ALMS1: variants seen among roughly 807,000 people sequenced by gnomAD.
ALMS1 encodes ALMS1 centrosome and basal body associated protein, also known as centrosome-associated protein ALMS1.
A neutral mutation model predicts 352.2 loss-of-function variants in ALMS1; 271 were observed. The observed-to-expected ratio is 0.77, with a 90% CI of 0.70 to 0.85. ALMS1 has a LOEUF of 0.85. Ranked by LOEUF, ALMS1 falls within the 40% of genes least tolerant of loss-of-function variation. The pLI, the probability that ALMS1 is intolerant of heterozygous loss-of-function variation, is 0.00. For synonymous variants in ALMS1, 1,865 were observed against 1,761.2 expected (o/e 1.06, Z -1.48); for missense variants, 5,445 against 4,870.7 (o/e 1.12, Z -3.51).
chr2:73,572,558 G>A lies in ALMS1; in HGVS notation c.10681G>A (p.Asp3561Asn). Residue 3561 changes from aspartate (D) to asparagine (N), a missense_variant, in exon 16 of 23, where the codon GAT (aspartate) becomes AAT (asparagine). By Grantham distance (23) the Asp-to-Asn change is conservative. Coordinates refer to ENST00000613296, the MANE Select transcript of ALMS1 (RefSeq NM_001378454.1). ...NVNLGNKEVMDTTKSQVRDYP... is the reference protein window; with the variant it reads ...NVNLGNKEVMNTTKSQVRDYP... ...GAATTTGGGAAACAAAGAAGTGATG[G>A]ATACTACTAAAAGTCAAGTTAGAGA... 6.2e-7 allele frequency: 1 copy of A among 1,613,790 alleles called. No individual in the cohort carries two copies. The highest frequency in any genetic ancestry group is 8.5e-7 in the Non-Finnish European group (1 of 1,179,968).
intron 15 of ALMS1, among the ~76,000 whole-genome samples, chr2:73,572,035 G>A (rs1192017924): frequency 1.3e-5 from 2 of 152,194 alleles, no homozygotes; most frequent in African/African-American, 4.8e-5. Flanking sequence ...TAGCCGGTCA[G>A]TGGCAGAGCC....
chr2:73,480,645 C>G (rs913140869), intron 9 of ALMS1, among the ~76,000 whole-genome samples: 21 of 151,328 alleles, frequency 1.4e-4, no homozygotes, highest in Non-Finnish European at 2.7e-4. Flanking sequence ...CCTGAGGAAT[C>G]GCCACATTGA....
chr2:73,606,397 G>A (rs1299460737), intron 21 of ALMS1, among the ~76,000 whole-genome samples: 1 of 152,126 alleles, frequency 6.6e-6, no homozygotes, highest in East Asian at 1.9e-4. Flanking sequence ...AATCATACAG[G>A]GTTTGTTGTG....
At chr2:73,466,841 T>C (rs1047475169) in intron 9 of ALMS1, among the ~76,000 whole-genome samples, 2 of 152,130 alleles carry the variant, frequency 1.3e-5, no homozygotes, top group Non-Finnish European at 2.9e-5. Flanking sequence ...ACTTAAAATA[T>C]ATGACAACAA....
chr2:73,474,338 A>G (rs1432586669), intron 9 of ALMS1, among the ~76,000 whole-genome samples: 1 of 149,358 alleles, frequency 6.7e-6, no homozygotes, highest in Non-Finnish European at 1.5e-5. Flanking sequence ...TATTTGTAGA[A>G]AGTAGATTTT....
chr2:73,475,930 ATT>A (rs1672574776), intron 9 of ALMS1, among the ~76,000 whole-genome samples: 1 of 150,438 alleles, frequency 6.6e-6, no homozygotes, highest in African/African-American at 2.5e-5. Flanking sequence ...CATCTTAACC[ATT>A]GTTAAGTATA....
intron 7 of ALMS1, among the ~76,000 whole-genome samples, chr2:73,434,220 TTTC>T (rs563528239): frequency 1.6e-4 from 25 of 152,266 alleles, no homozygotes; most frequent in East Asian, 1.5e-3. Context: ...ATTTAAGCTC[TTTC>T]TTCTTCTTAT....
chr2:73,486,478 G>T (rs1672849578), intron 9 of ALMS1, among the ~76,000 whole-genome samples: 1 of 152,158 alleles, frequency 6.6e-6, no homozygotes, highest in Admixed American at 6.5e-5. Flanking sequence ...TCTCTCTTTT[G>T]CTAGGCTTCA....
intron 12 of ALMS1, among the ~76,000 whole-genome samples, chr2:73,543,257 C>A (rs1266865307): frequency 6.7e-6 from 1 of 148,770 alleles, no homozygotes; most frequent in East Asian, 1.9e-4. Context: ...GAAAAACAAG[C>A]AATGGGGAAA....
At chr2:73,391,450 C>T (rs577705847) in intron 1 of ALMS1, among the ~76,000 whole-genome samples, 12 of 152,014 alleles carry the variant, frequency 7.9e-5, no homozygotes, top group East Asian at 1.9e-4. Flanking sequence ...CCCGCCACCA[C>T]GCCCGGCTAT....
intron 11 of ALMS1, among the ~76,000 whole-genome samples, chr2:73,520,416 A>G (rs1673652448): frequency 6.6e-6 from 1 of 152,226 alleles, no homozygotes; most frequent in Non-Finnish European, 1.5e-5. Context: ...TATATACTAA[A>G]TACTATAACA....
At position 73,609,744 on chromosome 2, in the gene ALMS1, A is replaced by G. The variant is rs1675899058; in HGVS notation, c.*132A>G. The G allele has an allele frequency of 2.2e-6, 2 of 924,266 alleles. No homozygotes were observed. The highest frequency in any genetic ancestry group is 1.4e-5 in the South Asian group (1 of 71,276). 57.3% of individuals were successfully genotyped at this position (924,266 alleles called of 1,614,324 possible). ...GTGTATTTTAGAAATAGTAACTTCT[A>G]AAGAGTCTGGAACAAAGTGGTGATT... On this transcript the variant is annotated 3_prime_UTR_variant, in exon 23 of 23. Coordinates refer to ENST00000613296, the MANE Select transcript of ALMS1 (RefSeq NM_001378454.1).
chr2:73,526,771 T>A (rs1337554048), intron 11 of ALMS1, among the ~76,000 whole-genome samples: 1 of 152,176 alleles, frequency 6.6e-6, no homozygotes. Context: ...ATCTTTCTCT[T>A]GTCTGATTGC....
intron 12 of ALMS1, among the ~76,000 whole-genome samples, chr2:73,546,238 G>A (rs1183727633): frequency 6.6e-6 from 1 of 152,108 alleles, no homozygotes; most frequent in African/African-American, 2.4e-5. Context: ...ACTGTATATG[G>A]TATGATCCCT....
intron 16 of ALMS1, chr2:73,573,683 T>G: frequency 3.3e-6 from 2 of 611,690 alleles, no homozygotes; most frequent in Non-Finnish European, 5.8e-6. Context: ...AGTTTACCCC[T>G]GAAATGGGGG....
chr2:73,541,796 T>C (rs942257249), intron 12 of ALMS1, among the ~76,000 whole-genome samples: 1 of 152,112 alleles, frequency 6.6e-6, no homozygotes, highest in Admixed American at 6.6e-5. Context: ...TCAACACATA[T>C]ACCTTCCCAA....
chr2:73,465,290 A>C (rs1247620175), intron 9 of ALMS1, among the ~76,000 whole-genome samples: 5 of 152,020 alleles, frequency 3.3e-5, no homozygotes, highest in African/African-American at 1.2e-4. Context: ...CAAAACAGAG[A>C]TATAGATCAA....
Position 73,490,830 on chromosome 2 carries a change from T to C in ALMS1, c.8871T>C (p.Ala2957=). ...TTCCTCAAGGTCAGGATTCTATAGC[T>C]TCAGACCTTCCGTCTCCCATTTCTC... is the stretch of plus-strand genomic sequence containing the variant. ...SPLPQGQDSI[A]SDLPSPISLE... The change falls in exon 10 of 23, where the codon GCT becomes GCC. Residue 2957 remains alanine, a synonymous_variant. Transcript: ENST00000613296. 6.2e-7 allele frequency: 1 copy of C among 1,613,958 alleles called. No homozygotes were observed. Among genetic ancestry groups the C allele is most frequent in the Non-Finnish European group, 8.5e-7 (1 of 1,179,996 alleles).
At chr2:73,564,420 C>G (rs1167846141) in intron 15 of ALMS1, among the ~76,000 whole-genome samples, 1 of 147,838 alleles carries the variant, frequency 6.8e-6, no homozygotes, top group Non-Finnish European at 1.5e-5. Context: ...GAGCCAAGAT[C>G]GCGCCACTGC....
Sources: gnomAD v4.1 joint callset for allele counts (sites outside exome capture counted in the v4.1 genomes callset) on GRCh38, gnomAD v4.1.1 for gene constraint, MANE v1.5 for transcripts, NCBI Gene and HGNC (gene_info 2026-07-23, HGNC 2026-07-21) for gene names.